The following IL3RA variants were observed in gnomAD, a reference collection of about 807,000 sequenced individuals.
IL3RA encodes interleukin 3 receptor subunit alpha, also known as interleukin-3 receptor subunit alpha.
In IL3RA, 73 loss-of-function variants were observed where a neutral mutation model predicts 52.3. That is an observed-to-expected ratio of 1.40 (90% CI 1.16 to 1.70). IL3RA has a LOEUF of 1.70. IL3RA is among the 40% of genes most tolerant of loss of function. The pLI is 0.00. For missense variants in IL3RA, 664 were observed against 504.4 expected, an observed-to-expected ratio of 1.32 and a Z score of -3.03; for synonymous variants, 260 against 194.0, an observed-to-expected ratio of 1.34 and a Z score of -2.83.
intron 6 of IL3RA, among the ~76,000 whole-genome samples, chrX:1,353,175 T>G (rs113846525): frequency 2.8e-5 from 4 of 141,022 alleles, no homozygotes; most frequent in African/African-American, 5.3e-5. Context: ...GTGGGTTCCA[T>G]CATGGGTCAT....
chrX:1,342,285 C>G (rs1394541112), intron 2 of IL3RA, among the ~76,000 whole-genome samples: 1 of 151,838 alleles, frequency 6.6e-6, no homozygotes, highest in African/African-American at 2.4e-5. Flanking sequence ...TCTGCCTCAG[C>G]CTCCCGAGGA....
At chrX:1,382,049 T>C (rs1207581780) in intron 11 of IL3RA, among the ~76,000 whole-genome samples, 1 of 151,296 alleles carries the variant, frequency 6.6e-6, no homozygotes, top group Non-Finnish European at 1.5e-5. Context: ...GGTTGAAGGT[T>C]CAAGCGATTC....
At chrX:1,360,653 G>A (rs190494901) in intron 8 of IL3RA, among the ~76,000 whole-genome samples, 1 of 152,130 alleles carries the variant, frequency 6.6e-6, no homozygotes. Context: ...CAAGTAGCTG[G>A]GATTACAGGC....
Position 1,378,750 on chromosome X carries a change from C to T in IL3RA, c.966C>T (p.Phe322=), listed in dbSNP as rs374097620. 1.1e-4 allele frequency: 173 copies of T among 1,612,308 alleles called. No individual in the cohort carries two copies. The highest frequency in any genetic ancestry group is 3.1e-4 in the East Asian group (14 of 44,896). ...LGTLLALVCV[F]VICRRYLVMQ... ...CGCTGCTGGCCCTGGTCTGTGTCTT[C>T]GTGATCTGCAGAAGGTGAGCCCTCG... Residue 322 remains phenylalanine (F), a synonymous_variant, in exon 10 of 12, where the codon TTC becomes TTT. Coordinates refer to ENST00000331035, the MANE Select transcript of IL3RA (RefSeq NM_002183.4).
intron 8 of IL3RA, among the ~76,000 whole-genome samples, chrX:1,364,576 T>TC: frequency 6.6e-6 from 1 of 151,554 alleles, no homozygotes; most frequent in East Asian, 1.9e-4. Flanking sequence ...GCTCGAGGTA[T>TC]CCCCCCACCT....
intron 2 of IL3RA, among the ~76,000 whole-genome samples, chrX:1,344,275 A>G (rs2085629154): frequency 6.6e-6 from 1 of 151,544 alleles, no homozygotes; most frequent in African/African-American, 2.4e-5. Context: ...CTCTAGTAAA[A>G]ATACAAAAAT....
chrX:1,368,501 G>A (rs1351250065), intron 9 of IL3RA, among the ~76,000 whole-genome samples: 1 of 152,142 alleles, frequency 6.6e-6, no homozygotes, highest in Non-Finnish European at 1.5e-5. Context: ...CAGGAGAATC[G>A]CTTGAATTGT....
intron 2 of IL3RA, among the ~76,000 whole-genome samples, chrX:1,344,027 C>G (rs2085615851): frequency 6.6e-6 from 1 of 152,000 alleles, no homozygotes; most frequent in Non-Finnish European, 1.5e-5. Flanking sequence ...ATCACTTGAC[C>G]TGGTGATCCG....
intron 11 of IL3RA, 57 bp from the exon 12 acceptor site, chrX:1,382,334 G>T (rs1172910307): frequency 1.7e-6 from 2 of 1,211,730 alleles, no homozygotes; most frequent in Non-Finnish European, 2.2e-6. Context: ...AGATCAGGAC[G>T]TGGGCTCTGT....
intron 10 of IL3RA, 100 bp downstream of exon 10, chrX:1,378,864 A>C: frequency 8.9e-7 from 1 of 1,126,696 alleles, no homozygotes; most frequent in Non-Finnish European, 1.3e-6. Flanking sequence ...TATTTTTGTG[A>C]TGGAGTCTCG....
chrX:1,365,751 C>A (rs867020032), intron 9 of IL3RA, among the ~76,000 whole-genome samples: 1 of 16,904 alleles, frequency 5.9e-5, no homozygotes, highest in Non-Finnish European at 9.3e-5. Flanking sequence ...GAGCGGGGTG[C>A]GCGGGGTGAG....
At chrX:1,355,386 AAGG>A (rs1284111890) in intron 6 of IL3RA, among the ~76,000 whole-genome samples, 3 of 118,478 alleles carry the variant, frequency 2.5e-5, no homozygotes, top group Non-Finnish European at 5.3e-5. Context: ...GTGGTAGAAA[AAGG>A]AGAGAGAGGA....
chrX:1,379,233 G>A (rs2089008553), intron 10 of IL3RA, among the ~76,000 whole-genome samples: 1 of 151,740 alleles, frequency 6.6e-6, no homozygotes, highest in East Asian at 1.9e-4. Context: ...TCGGCTCACC[G>A]CAGCCTCCAC....
rs1453668296 is a variant in IL3RA at position 1,348,757 on chromosome X, CTCTT to C, written c.298+218_298+221del. On this transcript the variant is annotated intron_variant, in intron 4 of 11. Transcript: ENST00000331035. ...TTCTTTCTTTCTTTCCTTCTTTCCTCTCTTTCTTTTCTTTCTCTTTCCCTCCCTC... is the reference window on the plus strand; with the variant it reads ...TTCTTTCTTTCTTTCCTTCTTTCCTCTCTTTTCTTTCTCTTTCCCTCCCTC... Among the ~76,000 whole-genome samples, 13 of 117,054 alleles carry C rather than the reference CTCTT, an allele frequency of 1.1e-4. 1 individual carries two copies. The highest frequency in any genetic ancestry group is 2.2e-4 in the African/African-American group (8 of 35,850). The allele number at this position is 117,054 out of a possible 152,430, so 76.8% of individuals were successfully genotyped here.
Position 1,382,607 on chromosome X carries a change from A to T in IL3RA, c.*142A>T. On this transcript the variant is annotated 3_prime_UTR_variant, in exon 12 of 12. Coordinates refer to ENST00000331035, the MANE Select transcript of IL3RA (RefSeq NM_002183.4). ...TGGTGGGCATGGGAGATGCCTGTGT[A>T]ATTTCGTCCGAAGCTGCCAGGAAGA... The T allele has an allele frequency of 1.4e-6, 1 of 733,660 alleles. No homozygotes were observed. Among genetic ancestry groups the T allele is most frequent in the East Asian group, 2.5e-5 (1 of 40,342 alleles). The allele number at this position is 733,660 out of a possible 1,614,324, so 45.4% of individuals were successfully genotyped here.
intron 8 of IL3RA, among the ~76,000 whole-genome samples, chrX:1,359,602 C>T (rs1603446223): frequency 2.0e-5 from 3 of 148,960 alleles, no homozygotes; most frequent in Middle Eastern, 7.0e-3. Flanking sequence ...CTCTGTGTCT[C>T]TTTCCCTCCC....
intron 6 of IL3RA, among the ~76,000 whole-genome samples, chrX:1,352,955 C>CT (rs2086199855): frequency 2.3e-5 from 1 of 43,016 alleles, no homozygotes; most frequent in Non-Finnish European, 6.9e-5. Context: ...TGGGAACCCC[C>CT]ATCATGGGTC....
chrX:1,360,570 G>C (rs2087177806), intron 8 of IL3RA, among the ~76,000 whole-genome samples: 2 of 151,924 alleles, frequency 1.3e-5, no homozygotes, highest in South Asian at 4.1e-4. Flanking sequence ...CCAGGCTGGA[G>C]TGCGATGGCA....
Position 1,347,674 on chromosome X carries a change from C to G in IL3RA, c.184-757C>G, listed in dbSNP as rs183044696. Among the ~76,000 whole-genome samples, 61 of 151,708 alleles carry G rather than the reference C, an allele frequency of 4.0e-4. No individual in the cohort carries two copies. In the East Asian group the frequency reaches 0.011, roughly 27 times the overall value. The stretch of plus-strand genomic sequence containing the variant: ...CAAACAAGAAAAAAACAAAGCAAAA[C>G]AAACAGAAAAGTATTTCACTAATAT... On this transcript the variant is annotated intron_variant, in intron 3 of 11. Transcript: ENST00000331035.
Sources: gnomAD v4.1 joint callset for allele counts (sites outside exome capture counted in the v4.1 genomes callset) on GRCh38, gnomAD v4.1.1 for gene constraint, MANE v1.5 for transcripts, NCBI Gene and HGNC (gene_info 2026-07-23, HGNC 2026-07-21) for gene names.